Variants in CSMD3 observed in about 807,000 individuals in gnomAD.
CSMD3 encodes the protein CUB and Sushi multiple domains 3, also known as CUB and sushi domain-containing protein 3.
A neutral mutation model predicts 435.2 loss-of-function variants in CSMD3; 177 were observed. The ratio of observed to expected loss-of-function variants is 0.41; its 90% confidence interval spans 0.36 to 0.46. The LOEUF (loss-of-function observed/expected upper bound fraction) is 0.46, where lower values mean the gene tolerates loss of function less well. Ranked by LOEUF, CSMD3 falls within the 20% of genes least tolerant of loss-of-function variation. CSMD3 has a pLI of 0.34. For missense variants in CSMD3, 4,265 were observed against 4,504.6 expected (o/e 0.95, Z 1.52); for synonymous variants, 1,656 against 1,520.5 (o/e 1.09, Z -2.07).
chr8:112,456,847 C>T (rs1248843872), intron 32 of CSMD3, among the ~76,000 whole-genome samples: 1 of 151,968 alleles, frequency 6.6e-6, no homozygotes, highest in Non-Finnish European at 1.5e-5. Context: ...CACAAACCCT[C>T]ATGAAATATG....
chr8:113,349,849 C>T (rs181281721), intron 1 of CSMD3, among the ~76,000 whole-genome samples: 3 of 152,002 alleles, frequency 2.0e-5, no homozygotes, highest in East Asian at 3.9e-4. Flanking sequence ...TCATGTCACT[C>T]CCCCCGTTAA....
At chr8:112,936,989 C>T (rs1264112961) in intron 9 of CSMD3, among the ~76,000 whole-genome samples, 1 of 152,022 alleles carries the variant, frequency 6.6e-6, no homozygotes, top group African/African-American at 2.4e-5. Flanking sequence ...TTTTCTCCCT[C>T]CAGCAATGAG....
rs369046425 is a variant in CSMD3, at chr8:112,720,488, C to A, written c.1973-30438G>T. Among the ~76,000 whole-genome samples the A allele has an allele frequency of 2.3e-4, 35 of 152,250 alleles. 1 individual carries two copies. In the East Asian group the frequency reaches 4.1e-3, roughly 18 times the overall value. On this transcript the variant is annotated intron_variant, in intron 13 of 70. Transcript: ENST00000297405. ...TGAAAACCAAGTATCACATAGTTCA[C>A]CTACAAAATGCTCGTTTTCCAAAAC...
chr8:112,811,604 CAATT>C (rs1305499339), intron 12 of CSMD3, among the ~76,000 whole-genome samples: 1 of 152,050 alleles, frequency 6.6e-6, no homozygotes, highest in African/African-American at 2.4e-5. Flanking sequence ...TTGATAAAGA[CAATT>C]AACATGTGTG....
chr8:113,335,537 CTTTT>C (rs1222360431), intron 1 of CSMD3, among the ~76,000 whole-genome samples: 3 of 29,704 alleles, frequency 1.0e-4, no homozygotes, highest in African/African-American at 1.7e-4. Context: ...CCTCCTCCTT[CTTTT>C]TTTTTTTTTT....
chr8:113,218,514 C>T (rs1209909658), intron 3 of CSMD3, among the ~76,000 whole-genome samples: 4 of 148,318 alleles, frequency 2.7e-5, no homozygotes, highest in African/African-American at 7.4e-5. Flanking sequence ...GAACTTATCC[C>T]AGGAATAGAA....
At chr8:113,009,817 T>C (rs1004196514) in intron 6 of CSMD3, among the ~76,000 whole-genome samples, 1 of 151,820 alleles carries the variant, frequency 6.6e-6, no homozygotes, top group Non-Finnish European at 1.5e-5. Flanking sequence ...AGCTGTTTTA[T>C]AACTACAGAT....
chr8:112,536,971 A>G (rs1029054780), intron 27 of CSMD3, among the ~76,000 whole-genome samples: 5 of 152,016 alleles, frequency 3.3e-5, no homozygotes, highest in Admixed American at 1.3e-4. Flanking sequence ...TTGAACAATG[A>G]GAACACTTGG....
chr8:112,878,288 T>C (rs894019960), intron 10 of CSMD3, among the ~76,000 whole-genome samples: 3 of 152,262 alleles, frequency 2.0e-5, no homozygotes, highest in African/African-American at 4.8e-5. Flanking sequence ...AAAGAAGACA[T>C]GTATGCAGCC....
intron 13 of CSMD3, among the ~76,000 whole-genome samples, chr8:112,729,930 C>G (rs1221849110): frequency 1.3e-5 from 2 of 151,972 alleles, no homozygotes; most frequent in African/African-American, 4.8e-5. Context: ...TTGTTTTCAG[C>G]CAACAAGTTT....
intron 37 of CSMD3, among the ~76,000 whole-genome samples, chr8:112,382,115 A>C (rs1829516185): frequency 6.6e-6 from 1 of 151,854 alleles, no homozygotes; most frequent in African/African-American, 2.4e-5. Flanking sequence ...CTCAGCTCTA[A>C]AAAATAAAAT....
chr8:112,990,467 T>C (rs2085415198), intron 6 of CSMD3, among the ~76,000 whole-genome samples: 1 of 151,906 alleles, frequency 6.6e-6, no homozygotes, highest in Non-Finnish European at 1.5e-5. Context: ...TTTACGGAAG[T>C]ATTTAATAGA....
At chr8:112,731,482 T>A (rs900315184) in intron 13 of CSMD3, among the ~76,000 whole-genome samples, 5 of 152,164 alleles carry the variant, frequency 3.3e-5, no homozygotes, top group Non-Finnish European at 7.4e-5. Context: ...ACAAGTTGAG[T>A]AATGCCATTT....
At chr8:112,494,292 A>ACTTT (rs574806152) in intron 30 of CSMD3, among the ~76,000 whole-genome samples, 1 of 146,400 alleles carries the variant, frequency 6.8e-6, no homozygotes, top group Non-Finnish European at 1.5e-5. Flanking sequence ...TCTCTCTCTC[A>ACTTT]CTTTCTTTCT....
In CSMD3 at chr8:112,903,592, C is replaced by A. The variant is rs139089192; in HGVS notation, c.1633+18035G>T. Among the ~76,000 whole-genome samples the A allele has an allele frequency of 2.0e-3, 298 of 150,736 alleles. 1 individual carries two copies. Among genetic ancestry groups the A allele is most frequent in the Non-Finnish European group, 3.1e-3 (212 of 67,452 alleles). ...AATTTTTGTTTTTTCAGAATTACCC[C>A]TGGAGCCTTTTTTTTAAGAAGAAAA... On this transcript the variant is annotated intron_variant, in intron 10 of 70. Coordinates refer to ENST00000297405, the MANE Select transcript of CSMD3 (RefSeq NM_198123.2).
intron 5 of CSMD3, among the ~76,000 whole-genome samples, chr8:113,043,744 T>G (rs2131298037): frequency 6.6e-6 from 1 of 152,208 alleles, no homozygotes; most frequent in African/African-American, 2.4e-5. Context: ...TAGTTAGTAA[T>G]TTTGTATCTA....
At chr8:112,408,280 C>G (rs1202807745) in intron 34 of CSMD3, 38 bp downstream of exon 34, 1 of 1,201,996 alleles carries the variant, frequency 8.3e-7, no homozygotes. Context: ...AAAATTATAT[C>G]ATTCCTTAGT....
intron 45 of CSMD3, among the ~76,000 whole-genome samples, chr8:112,334,007 C>A (rs1040031252): frequency 1.3e-5 from 2 of 152,102 alleles, no homozygotes; most frequent in African/African-American, 4.8e-5. Context: ...GCTATATCTG[C>A]AAACTGCCAG....
Position 113,014,489 on chromosome 8 carries a change from G to A in CSMD3, c.1030+4578C>T, listed in dbSNP as rs144077025. 4.9e-3 allele frequency among the ~76,000 whole-genome samples: 737 copies of A among 151,920 alleles called. 5 individuals are homozygous for A. The highest frequency in any genetic ancestry group is 0.016 in the African/African-American group (645 of 41,454). On this transcript the variant is annotated intron_variant, in intron 6 of 70. Coordinates refer to ENST00000297405, the MANE Select transcript of CSMD3 (RefSeq NM_198123.2). ...AGGGATAATTCCCCCAGAAGAAAAT[G>A]AGATGCCCTTATCAAGAAAAAATTA...
Sources: allele counts gnomAD v4.1 joint callset (sites outside exome capture counted in the v4.1 genomes callset), GRCh38; gene constraint gnomAD v4.1.1; transcripts MANE v1.5; gene names NCBI Gene and HGNC (gene_info 2026-07-23, HGNC 2026-07-21).